The following FARS2 variants were observed in gnomAD, a reference collection of about 807,000 sequenced individuals.
FARS2 encodes phenylalanine--tRNA ligase, mitochondrial.
FARS2 carries 40 observed loss-of-function variants against 46.4 expected under a neutral mutation model. The observed-to-expected ratio is 0.86, with a 90% CI of 0.67 to 1.12. The LOEUF is 1.12. Ranked by LOEUF, FARS2 falls within the 50% of genes most tolerant of loss-of-function variation. The probability of loss-of-function intolerance (pLI) is 0.00; values close to 1 mark genes in which losing one functional copy is unlikely to be tolerated. For missense variants in FARS2, 513 were observed against 567.9 expected, an observed-to-expected ratio of 0.90 and a Z score of 0.98; for synonymous variants, 234 against 214.9, an observed-to-expected ratio of 1.09 and a Z score of -0.78.
intron 6 of FARS2, among the ~76,000 whole-genome samples, chr6:5,688,612 A>G (rs1006993473): frequency 6.6e-6 from 1 of 152,226 alleles, no homozygotes; most frequent in Non-Finnish European, 1.5e-5. Context: ...CCAGTATATT[A>G]TTGAGGATTT....
intron 4 of FARS2, among the ~76,000 whole-genome samples, chr6:5,480,969 T>C (rs533324789): frequency 5.4e-4 from 82 of 152,362 alleles, no homozygotes; most frequent in African/African-American, 1.7e-3. Context: ...GTGCATGTGC[T>C]AGTCTGTTGG....
intron 5 of FARS2, among the ~76,000 whole-genome samples, chr6:5,560,142 C>T (rs183714476): frequency 3.3e-5 from 5 of 152,176 alleles, no homozygotes; most frequent in African/African-American, 9.6e-5. Context: ...AAAATTAAAA[C>T]GTAATTAAAT....
chr6:5,598,723 G>A (rs1052523681), intron 5 of FARS2, among the ~76,000 whole-genome samples: 2 of 152,140 alleles, frequency 1.3e-5, no homozygotes, highest in African/African-American at 4.8e-5. Flanking sequence ...AAAACATGTA[G>A]TATCAAAGCA....
At chr6:5,702,798 T>TA (rs1458206500) in intron 6 of FARS2, among the ~76,000 whole-genome samples, 1 of 152,212 alleles carries the variant, frequency 6.6e-6, no homozygotes, top group Non-Finnish European at 1.5e-5. Flanking sequence ...TTCCCTTTCA[T>TA]GCCCCCAAAC....
At chr6:5,252,848 C>G in the FARS2 span, among the ~76,000 whole-genome samples, 1 of 152,170 alleles carries the variant, frequency 6.6e-6, no homozygotes. Context: ...GAGACTCACA[C>G]ATACCTTGAC....
At chr6:5,586,390 T>C (rs1163221515) in intron 5 of FARS2, among the ~76,000 whole-genome samples, 1 of 152,178 alleles carries the variant, frequency 6.6e-6, no homozygotes, top group African/African-American at 2.4e-5. Context: ...TTATTGATTG[T>C]ATTTATCATG....
At chr6:5,255,365 C>T in the FARS2 span, among the ~76,000 whole-genome samples, 2 of 152,092 alleles carry the variant, frequency 1.3e-5, no homozygotes, top group Non-Finnish European at 2.9e-5. Flanking sequence ...TTCTATTAAG[C>T]CAAACATGAA....
At chr6:5,645,553 G>A (rs1777034725) in intron 6 of FARS2, among the ~76,000 whole-genome samples, 1 of 152,138 alleles carries the variant, frequency 6.6e-6, no homozygotes, top group African/African-American at 2.4e-5. Flanking sequence ...TTTTGTTCAG[G>A]GCCACGTAGC....
rs1034582028 is a variant in FARS2, at chr6:5,431,175, A to G, written c.904+3A>G. On this transcript the variant is annotated splice_donor_region_variant and intron_variant, in intron 4 of 6. Transcript: ENST00000274680. Reference sequence around the variant, plus strand: ...GGAACAACAACTGGTCAATTCAGGTAAAAAAGAATCCCACATTTTATTTAC... The same window carrying G: ...GGAACAACAACTGGTCAATTCAGGTGAAAAAGAATCCCACATTTTATTTAC... 9 of 1,613,102 alleles carry G rather than the reference A, an allele frequency of 5.6e-6. No individual in the cohort carries two copies. The East Asian group carries it at 1.1e-4, about 20-fold the overall frequency.
rs914013672 is a variant in FARS2, at chr6:5,454,459, A to C, written c.904+23287A>C. On this transcript the variant is annotated intron_variant, in intron 4 of 6. Transcript: ENST00000274680. ...CAGGTTCAAGCGATTCTCCTGCCTC[A>C]GCCTCCCCCCGAGTAGCTGGGATTA... 2.6e-5 allele frequency among the ~76,000 whole-genome samples: 4 copies of C among 151,908 alleles called. No individual in the cohort carries two copies. The East Asian group carries it at 7.7e-4, about 29-fold the overall frequency.
intron 6 of FARS2, among the ~76,000 whole-genome samples, chr6:5,699,103 C>G (rs373194106): frequency 2.6e-5 from 4 of 152,140 alleles, no homozygotes; most frequent in African/African-American, 7.2e-5. Flanking sequence ...CCTGGTAGGG[C>G]CTTTTACAAG....
chr6:5,453,102 A>T (rs1764601011), intron 4 of FARS2, among the ~76,000 whole-genome samples: 1 of 152,192 alleles, frequency 6.6e-6, no homozygotes, highest in Non-Finnish European at 1.5e-5. Context: ...CAACATAGTA[A>T]ATTGTGGAGG....
chr6:5,365,985 C>T (rs775754905), intron 1 of FARS2, among the ~76,000 whole-genome samples: 14 of 151,972 alleles, frequency 9.2e-5, no homozygotes, highest in Non-Finnish European at 1.8e-4. Context: ...GTCTTGCCTT[C>T]TCAGGGGTGG....
At chr6:5,302,746 T>G (rs1292692463) in intron 1 of FARS2, among the ~76,000 whole-genome samples, 1 of 152,118 alleles carries the variant, frequency 6.6e-6, no homozygotes, top group Admixed American at 6.5e-5. Context: ...CTATAACTGT[T>G]GGCAGGGAGA....
chr6:5,635,970 G>A (rs1367263420), intron 6 of FARS2, among the ~76,000 whole-genome samples: 2 of 151,962 alleles, frequency 1.3e-5, no homozygotes, highest in Non-Finnish European at 2.9e-5. Context: ...AAAATGTTAT[G>A]GTAAAAAAAA....
chr6:5,459,492 A>G (rs1765109786), intron 4 of FARS2, among the ~76,000 whole-genome samples: 1 of 151,716 alleles, frequency 6.6e-6, no homozygotes, highest in Admixed American at 6.6e-5. Flanking sequence ...CTGTTGGCTC[A>G]GTGACCCAGC....
chr6:5,593,956 G>A (rs1411605903), intron 5 of FARS2, among the ~76,000 whole-genome samples: 1 of 152,180 alleles, frequency 6.6e-6, no homozygotes, highest in Non-Finnish European at 1.5e-5. Flanking sequence ...TGTGGAAGGA[G>A]TGTTTCCACG....
chr6:5,475,823 A>G (rs557853093), intron 4 of FARS2, among the ~76,000 whole-genome samples: 16 of 151,838 alleles, frequency 1.1e-4, no homozygotes, highest in Middle Eastern at 6.8e-3. Flanking sequence ...CCAACCTCCA[A>G]TTCCCCTCTC....
intron 6 of FARS2, among the ~76,000 whole-genome samples, chr6:5,740,000 C>T (rs898259080): frequency 6.6e-6 from 1 of 152,218 alleles, no homozygotes. Flanking sequence ...GAAAAATTAA[C>T]ACATCAAGGT....
Sources: gnomAD v4.1 joint callset for allele counts (sites outside exome capture counted in the v4.1 genomes callset) on GRCh38, gnomAD v4.1.1 for gene constraint, MANE v1.5 for transcripts, NCBI Gene and HGNC (gene_info 2026-07-23, HGNC 2026-07-21) for gene names.